Variants in YTHDF3 observed in about 807,000 individuals in gnomAD.
YTHDF3 encodes YTH N6-methyladenosine RNA binding protein F3, also known as YTH domain-containing family protein 3.
Under a neutral mutation model 52.5 loss-of-function variants are expected in YTHDF3, and 9 were observed. That is an observed-to-expected ratio of 0.17 (90% CI 0.10 to 0.30). The LOEUF is 0.30. Ranked by LOEUF, YTHDF3 falls within the 10% of genes least tolerant of loss-of-function variation. YTHDF3 has a pLI of 1.00. For missense variants in YTHDF3, 534 were observed against 715.0 expected (o/e 0.75, Z 2.89); for synonymous variants, 274 against 243.3 (o/e 1.13, Z -1.18).
At chr8:63,178,535 T>G (rs1807854744) in intron 3 of YTHDF3, among the ~76,000 whole-genome samples, 1 of 152,356 alleles carries the variant, frequency 6.6e-6, no homozygotes, top group East Asian at 1.9e-4. Flanking sequence ...TAACTCATGA[T>G]ATTTGGAATC....
At chr8:63,207,530 T>C (rs1025806197) in intron 4 of YTHDF3, among the ~76,000 whole-genome samples, 1 of 152,154 alleles carries the variant, frequency 6.6e-6, no homozygotes, top group Non-Finnish European at 1.5e-5. Flanking sequence ...TTTTCTTTAT[T>C]CTCCCCTTGT....
intron 1 of YTHDF3, 114 bp downstream of exon 1, chr8:63,169,015 C>G (rs1807085019): frequency 6.8e-7 from 1 of 1,473,096 alleles, no homozygotes; most frequent in Non-Finnish European, 8.9e-7. Flanking sequence ...AACGGTGCCC[C>G]GGGCGCAAGT....
intron 3 of YTHDF3, among the ~76,000 whole-genome samples, chr8:63,180,234 C>A (rs1250875672): frequency 1.3e-5 from 2 of 151,116 alleles, no homozygotes; most frequent in African/African-American, 4.9e-5. Context: ...GGTTGCCAGG[C>A]AGAGGGTTTC....
chr8:63,212,764 T>C lies in YTHDF3; in HGVS notation c.*3058T>C. The C allele has an allele frequency of 6.6e-6, 1 of 152,614 alleles. No individual in the cohort carries two copies. Among genetic ancestry groups the C allele is most frequent in the East Asian group, 1.9e-4 (1 of 5,194 alleles). The allele number at this position is 152,614 out of a possible 1,614,324, so 9.5% of individuals were successfully genotyped here. On this transcript the variant is annotated 3_prime_UTR_variant, in exon 5 of 5. Coordinates refer to ENST00000539294, the MANE Select transcript of YTHDF3 (RefSeq NM_152758.6). ...TTTGGTCCTCTTTAATCTTTGAGGG[T>C]TTCAATAAAAATTGTTCACTCATAT...
At chr8:63,195,996 T>C (rs1247439513) in intron 4 of YTHDF3, among the ~76,000 whole-genome samples, 1 of 152,056 alleles carries the variant, frequency 6.6e-6, no homozygotes, top group Non-Finnish European at 1.5e-5. Flanking sequence ...GAGACAGGAT[T>C]TTGCCATGTC....
chr8:63,206,384 G>A (rs532366446), intron 4 of YTHDF3, among the ~76,000 whole-genome samples: 4 of 152,220 alleles, frequency 2.6e-5, no homozygotes, highest in South Asian at 4.1e-4. Flanking sequence ...TCTTTTGCCT[G>A]CTCCAAACTT....
chr8:63,186,404 T>C lies in YTHDF3; in HGVS notation c.393T>C (p.Ala131=). 1 of 1,614,086 alleles carries C rather than the reference T, an allele frequency of 6.2e-7. No individual in the cohort carries two copies. Among genetic ancestry groups the C allele is most frequent in the Non-Finnish European group, 8.5e-7 (1 of 1,179,902 alleles). ...GATTTAACTTTTTTCCTGGTAATGC[T>C]GATTTCTCTACATGGGGGACAAGTG... ...QHGFNFFPGN[A]DFSTWGTSGS... The change falls in exon 4 of 5, where the codon GCT becomes GCC. Residue 131 remains alanine, a synonymous_variant. Coordinates refer to ENST00000539294, the MANE Select transcript of YTHDF3 (RefSeq NM_152758.6).
At chr8:63,170,890 GTTTGA>G (rs1807279504) in intron 2 of YTHDF3, among the ~76,000 whole-genome samples, 1 of 152,148 alleles carries the variant, frequency 6.6e-6, no homozygotes, top group African/African-American at 2.4e-5. Flanking sequence ...AGTAAAATAA[GTTTGA>G]TTTATGAGTG....
intron 4 of YTHDF3, among the ~76,000 whole-genome samples, chr8:63,203,367 T>G (rs1375605617): frequency 1.3e-5 from 2 of 152,170 alleles, no homozygotes; most frequent in Non-Finnish European, 2.9e-5. Flanking sequence ...TAGTAATACC[T>G]TATAGAATAT....
At chr8:63,169,192 C>T (rs777919639) in intron 1 of YTHDF3, 195 bp from the exon 2 acceptor site, 4 of 1,365,378 alleles carry the variant, frequency 2.9e-6, no homozygotes, top group African/African-American at 1.5e-5. Context: ...CTCTGGGAGA[C>T]GGATTCCGAG....
At chr8:63,171,075 A>G (rs529118135) in intron 2 of YTHDF3, among the ~76,000 whole-genome samples, 1 of 152,290 alleles carries the variant, frequency 6.6e-6, no homozygotes, top group South Asian at 2.1e-4. Context: ...CACATACACA[A>G]AGTGTTTATT....
rs1446885758 is a variant in YTHDF3, at chr8:63,168,735, C to G, written c.-143C>G. On this transcript the variant is annotated 5_prime_UTR_variant, in exon 1 of 5. Coordinates refer to ENST00000539294, the MANE Select transcript of YTHDF3 (RefSeq NM_152758.6). ...TTCCTCCGACTCCCGAGCGCGAGGC[C>G]CTCATTTTGGGTTCTCAGCGAACGG... 2 of 1,510,922 alleles carry G rather than the reference C, an allele frequency of 1.3e-6. No homozygotes were observed. The highest frequency in any genetic ancestry group is 2.8e-5 in the African/African-American group (2 of 71,438). The allele number at this position is 1,510,922 out of a possible 1,614,324, so 93.6% of individuals were successfully genotyped here. A position where few individuals can be genotyped will look rare whatever the true frequency, so the allele number is the denominator to read the frequency against.
chr8:63,199,445 T>C (rs1192378039), intron 4 of YTHDF3, among the ~76,000 whole-genome samples: 1 of 152,226 alleles, frequency 6.6e-6, no homozygotes, highest in Non-Finnish European at 1.5e-5. Context: ...AGTGGACTCC[T>C]GCAGTTCACA....
intron 3 of YTHDF3, 128 bp downstream of exon 3, chr8:63,175,544 A>G: frequency 1.4e-6 from 1 of 731,460 alleles, no homozygotes; most frequent in Admixed American, 2.6e-5. Context: ...CCTATATAGT[A>G]AGTGAGTAGT....
intron 3 of YTHDF3, among the ~76,000 whole-genome samples, chr8:63,182,599 G>T (rs1808214400): frequency 2.0e-5 from 3 of 152,078 alleles, no homozygotes; most frequent in Admixed American, 2.0e-4. Context: ...CTTTCTGAAT[G>T]CTTTCTTATA....
In YTHDF3 at chr8:63,187,662, G is replaced by T. The variant is rs765792093; in HGVS notation, c.1651G>T (p.Ala551Ser). Reference sequence around the variant, plus strand: ...AGCTAAGCAAGTGCTTAAAATAATTGCTACTTTCAAGCATACCACCTCAAT... The same window carrying T: ...AGCTAAGCAAGTGCTTAAAATAATTTCTACTTTCAAGCATACCACCTCAAT... Reference protein sequence around the residue: ...EKAKQVLKIIATFKHTTSIFD... With the variant: ...EKAKQVLKIISTFKHTTSIFD... Residue 551 changes from alanine to serine, a missense_variant, in exon 4 of 5, where the codon GCT becomes TCT. Physicochemically the swap from Ala to Ser is moderately conservative, Grantham distance 99 (BLOSUM62 1). This residue lies in a region of YTHDF3 where 135 missense variants were observed against 214.2 expected (regional missense o/e 0.63). Transcript: ENST00000539294. The T allele has an allele frequency of 3.1e-6, 5 of 1,610,818 alleles. No individual in the cohort carries two copies. In the East Asian group the frequency reaches 8.9e-5, roughly 29 times the overall value.
intron 2 of YTHDF3, among the ~76,000 whole-genome samples, chr8:63,174,238 G>A (rs1281559656): frequency 6.6e-6 from 1 of 152,174 alleles, no homozygotes. Flanking sequence ...GACATCCATC[G>A]GAAACTTTCA....
intron 4 of YTHDF3, among the ~76,000 whole-genome samples, chr8:63,208,124 TC>T (rs1277193595): frequency 9.2e-5 from 14 of 152,226 alleles, no homozygotes; most frequent in Admixed American, 8.5e-4. Context: ...ATTTTAGTCT[TC>T]CATTTCAATG....
At chr8:63,179,448 T>C (rs1807924995) in intron 3 of YTHDF3, among the ~76,000 whole-genome samples, 1 of 152,182 alleles carries the variant, frequency 6.6e-6, no homozygotes, top group African/African-American at 2.4e-5. Flanking sequence ...TTCAAGCATC[T>C]GTTTAACAAA....
Sources: gnomAD v4.1 joint callset for allele counts (sites outside exome capture counted in the v4.1 genomes callset) on GRCh38, gnomAD v4.1.1 for gene constraint, gnomAD v4.1.1 regional missense constraint, MANE v1.5 for transcripts, NCBI Gene and HGNC (gene_info 2026-07-23, HGNC 2026-07-21) for gene names.